Variants in EYS observed in about 807,000 individuals in gnomAD.
EYS encodes the protein EGF-like photoreceptor maintenance factor.
In EYS, 250 loss-of-function variants were observed where a neutral mutation model predicts 282.1. The observed-to-expected ratio is 0.89, with a 90% confidence interval of 0.80 to 0.98. The LOEUF (loss-of-function observed/expected upper bound fraction) is 0.98. EYS is among the 50% of genes least tolerant of loss of function. The pLI is 0.00. For missense variants in EYS, 4,016 were observed against 3,709.0 expected, an observed-to-expected ratio of 1.08 and a Z score of -2.15; for synonymous variants, 1,355 against 1,282.9, an observed-to-expected ratio of 1.06 and a Z score of -1.20.
intron 21 of EYS, among the ~76,000 whole-genome samples, chr6:64,814,610 A>G (rs936042497): frequency 5.9e-5 from 9 of 152,074 alleles, no homozygotes; most frequent in Admixed American, 3.9e-4. Context: ...TGTGGAAAAC[A>G]CATGTCATAG....
At chr6:65,697,025 C>G (rs1046372213) in intron 1 of EYS, among the ~76,000 whole-genome samples, 2 of 151,958 alleles carry the variant, frequency 1.3e-5, no homozygotes, top group African/African-American at 4.8e-5. Context: ...TTAAAAAATT[C>G]AAACTGCAGC....
intron 30 of EYS, among the ~76,000 whole-genome samples, chr6:64,259,714 T>C (rs1211296436): frequency 6.6e-6 from 1 of 151,676 alleles, no homozygotes; most frequent in Non-Finnish European, 1.5e-5. Flanking sequence ...TCAGCAGAAC[T>C]GAGTTCAATT....
At chr6:65,670,973 C>T (rs1229795953) in intron 1 of EYS, among the ~76,000 whole-genome samples, 2 of 151,286 alleles carry the variant, frequency 1.3e-5, no homozygotes, top group African/African-American at 4.9e-5. Flanking sequence ...AAGGAGAAAA[C>T]CTTCAGAAAT....
At chr6:64,772,941 G>A (rs1773567396) in intron 22 of EYS, among the ~76,000 whole-genome samples, 1 of 151,710 alleles carries the variant, frequency 6.6e-6, no homozygotes, top group African/African-American at 2.4e-5. Context: ...TAGGTTATGT[G>A]GATACAGAAA....
rs562339770 is a variant in EYS, at chr6:64,639,274, C to A, written c.3444-13029G>T. Among the ~76,000 whole-genome samples, 2 of 90,964 alleles carry A rather than the reference C, an allele frequency of 2.2e-5. 1 individual carries two copies. The highest frequency in any genetic ancestry group is 2.4e-4 in the Admixed American group (2 of 8,488). 59.7% of individuals were successfully genotyped at this position (90,964 alleles called of 152,430 possible). ...TTAAGAGACCTGTCTCCAGTCACAA[C>A]CTTAAAGCAGGTCTTGGAAAATTAC... On this transcript the variant is annotated intron_variant, in intron 22 of 42. Transcript: ENST00000503581.
At chr6:64,608,887 G>T (rs760133057) in intron 24 of EYS, among the ~76,000 whole-genome samples, 6 of 152,136 alleles carry the variant, frequency 3.9e-5, no homozygotes, top group Non-Finnish European at 7.4e-5. Flanking sequence ...ATCAATGATT[G>T]CCAGAGATGG....
chr6:65,053,697 C>T (rs922714348), intron 13 of EYS, among the ~76,000 whole-genome samples: 1 of 151,842 alleles, frequency 6.6e-6, no homozygotes, highest in Non-Finnish European at 1.5e-5. Context: ...AACATATACT[C>T]TGTACTTGCG....
At chr6:63,825,994 A>C (rs985913338) in intron 36 of EYS, among the ~76,000 whole-genome samples, 1 of 152,256 alleles carries the variant, frequency 6.6e-6, no homozygotes, top group Non-Finnish European at 1.5e-5. Flanking sequence ...AATTCAAAAA[A>C]TGATACAAGT....
intron 12 of EYS, among the ~76,000 whole-genome samples, chr6:65,113,960 TA>T (rs1342458787): frequency 3.3e-5 from 5 of 152,064 alleles, no homozygotes; most frequent in African/African-American, 1.2e-4. Context: ...TCTTGCTTAT[TA>T]AACGATGGCA....
intron 26 of EYS, among the ~76,000 whole-genome samples, chr6:64,444,520 T>C (rs9362855): frequency 0.28 from 42,146 of 152,048 alleles, 5,978 homozygotes; most frequent in East Asian, 0.46. Context: ...ATTCAGTGGC[T>C]TTTTCATTAT....
intron 2 of EYS, among the ~76,000 whole-genome samples, chr6:65,553,883 A>T (rs936959357): frequency 9.9e-5 from 15 of 152,228 alleles, no homozygotes; most frequent in Non-Finnish European, 1.8e-4. Flanking sequence ...TAAAATATTT[A>T]AAAAATATGT....
intron 15 of EYS, among the ~76,000 whole-genome samples, chr6:64,930,064 A>T (rs1274089066): frequency 6.6e-6 from 1 of 152,172 alleles, no homozygotes; most frequent in East Asian, 1.9e-4. Context: ...GAATTTACTG[A>T]ATCTGTCCAA....
chr6:63,949,078 T>C (rs1437379543), intron 35 of EYS, among the ~76,000 whole-genome samples: 1 of 152,190 alleles, frequency 6.6e-6, no homozygotes, highest in African/African-American at 2.4e-5. Context: ...GAAGATTCCA[T>C]ATAGCTCAAA....
At chr6:64,181,944 G>C (rs1344600054) in intron 31 of EYS, among the ~76,000 whole-genome samples, 1 of 151,854 alleles carries the variant, frequency 6.6e-6, no homozygotes. Context: ...TTTAATTTTT[G>C]TCTGTCCATT....
At chr6:65,536,428 A>G (rs1039881481) in intron 2 of EYS, among the ~76,000 whole-genome samples, 1 of 151,924 alleles carries the variant, frequency 6.6e-6, no homozygotes, top group Non-Finnish European at 1.5e-5. Context: ...GGTACTGGGG[A>G]GACTAATAAG....
chr6:64,390,924 C>T (rs1298301493), intron 28 of EYS, among the ~76,000 whole-genome samples: 2 of 149,100 alleles, frequency 1.3e-5, no homozygotes, highest in East Asian at 4.0e-4. Flanking sequence ...CAGAGAAGTG[C>T]TTAAAGGAGC....
At chr6:65,459,417 A>G (rs1157517046) in intron 5 of EYS, among the ~76,000 whole-genome samples, 1 of 152,082 alleles carries the variant, frequency 6.6e-6, no homozygotes, top group Non-Finnish European at 1.5e-5. Context: ...TTTAGAGAAC[A>G]TTATAGTTTA....
At chr6:63,907,284 C>T (rs908524757) in intron 35 of EYS, among the ~76,000 whole-genome samples, 4 of 152,148 alleles carry the variant, frequency 2.6e-5, no homozygotes, top group African/African-American at 4.8e-5. Context: ...TCTCCTTTGG[C>T]TTAAGTGGGG....
At chr6:64,635,125 G>T (rs1767928895) in intron 22 of EYS, among the ~76,000 whole-genome samples, 1 of 152,072 alleles carries the variant, frequency 6.6e-6, no homozygotes, top group African/African-American at 2.4e-5. Context: ...CTCTCTGTTT[G>T]TCTGTTACTG....
Sources: allele counts gnomAD v4.1 joint callset (sites outside exome capture counted in the v4.1 genomes callset), GRCh38; gene constraint gnomAD v4.1.1; transcripts MANE v1.5; gene names NCBI Gene and HGNC (gene_info 2026-07-23, HGNC 2026-07-21).